PRTFDC1: variants seen among roughly 807,000 people sequenced by gnomAD.
PRTFDC1 encodes phosphoribosyl transferase domain containing 1.
A neutral mutation model predicts 34.6 loss-of-function variants in PRTFDC1; 38 were observed. The ratio of observed to expected loss-of-function variants is 1.10; its 90% confidence interval spans 0.85 to 1.44. The LOEUF (loss-of-function observed/expected upper bound fraction) is 1.44, where lower values mean the gene tolerates loss of function less well. Among genes scored for constraint, PRTFDC1 ranks in the 40% most tolerant of loss-of-function variants. PRTFDC1 has a pLI of 0.00. For synonymous variants in PRTFDC1, 93 were observed against 98.1 expected, an observed-to-expected ratio of 0.95 and a Z score of 0.31; for missense variants, 270 against 283.0, an observed-to-expected ratio of 0.95 and a Z score of 0.33.
intron 3 of PRTFDC1, chr10:24,908,428 G>A: frequency 1.3e-6 from 2 of 1,529,380 alleles, no homozygotes; most frequent in Non-Finnish European, 1.8e-6. Context: ...GAAGACTGTG[G>A]GCACAGCCAG....
chr10:24,946,560 C>T (rs190213203), intron 1 of PRTFDC1, among the ~76,000 whole-genome samples: 2 of 152,248 alleles, frequency 1.3e-5, no homozygotes, highest in East Asian at 3.9e-4. Flanking sequence ...TCTCACACAC[C>T]TGGGACAAGC....
chr10:24,867,419 T>C (rs543155618), intron 4 of PRTFDC1, among the ~76,000 whole-genome samples: 2 of 152,306 alleles, frequency 1.3e-5, no homozygotes, highest in East Asian at 3.9e-4. Flanking sequence ...CAGTTTCATT[T>C]TCCTAAAACA....
intron 3 of PRTFDC1, among the ~76,000 whole-genome samples, chr10:24,898,286 C>CAAAAAAAAAAAAA (rs34691185): frequency 1.3e-5 from 1 of 75,198 alleles, no homozygotes. Context: ...CCCGTCTCTA[C>CAAAAAAAAAAAAA]AAAAAAAAAA....
intron 3 of PRTFDC1, among the ~76,000 whole-genome samples, chr10:24,873,445 C>T (rs1237283394): frequency 6.6e-6 from 1 of 152,182 alleles, no homozygotes; most frequent in East Asian, 1.9e-4. Flanking sequence ...TAACAATAAC[C>T]TTGGGGAGAA....
At chr10:24,893,349 C>T (rs1000847446) in intron 3 of PRTFDC1, among the ~76,000 whole-genome samples, 23 of 152,200 alleles carry the variant, frequency 1.5e-4, no homozygotes, top group East Asian at 5.8e-4. Context: ...AGTGCAGTGA[C>T]GCAATCATAG....
intron 3 of PRTFDC1, chr10:24,908,891 T>G (rs1021946554): frequency 1.4e-6 from 1 of 703,056 alleles, no homozygotes; most frequent in African/African-American, 1.8e-5. Context: ...GAATGCAGGA[T>G]GGAGGTCAGT....
Position 24,872,063 on chromosome 10 carries a change from T to C in PRTFDC1, c.340A>G (p.Asn114Asp). The C allele has an allele frequency of 1.2e-6, 2 of 1,606,882 alleles. No individual in the cohort carries two copies. Among genetic ancestry groups the C allele is most frequent in the Non-Finnish European group, 1.7e-6 (2 of 1,175,152 alleles). The change falls in exon 4 of 9, where the codon AAT (asparagine) becomes GAT (aspartate). Residue 114 changes from asparagine (N) to aspartate (D), a missense_variant and splice_region_variant. Physicochemically the swap from Asn to Asp is conservative, Grantham distance 23 (BLOSUM62 1). Coordinates refer to ENST00000320152, the MANE Select transcript of PRTFDC1 (RefSeq NM_020200.7). ...VDFIRLKSYR[N>D]DQSMGEMQII... Reference sequence around the variant, plus strand: ...TGCATCTCACCCATGGACTGGTCATTCTGCAAAAAAGAAGAAAAAAAAGGG... The same window carrying C: ...TGCATCTCACCCATGGACTGGTCATCCTGCAAAAAAGAAGAAAAAAAAGGG...
intron 3 of PRTFDC1, among the ~76,000 whole-genome samples, chr10:24,883,815 G>C (rs1017971621): frequency 1.6e-5 from 2 of 126,080 alleles, no homozygotes; most frequent in Non-Finnish European, 3.2e-5. Context: ...TTTCTTAAGA[G>C]ACCTTTTTTT....
rs115775149 is a variant in PRTFDC1 at position 24,908,406 on chromosome 10, C to T, written c.339+28778G>A. 983 of 1,458,940 alleles carry T rather than the reference C, an allele frequency of 6.7e-4. 7 individuals are homozygous for T. In the African/African-American group the frequency reaches 0.012, roughly 17 times the overall value. The allele number at this position is 1,458,940 out of a possible 1,614,324, so 90.4% of individuals were successfully genotyped here. ...TACATCATCCAGCAGACACAGTGTC[C>T]AGTTTCTTCATGAAGACTGTGGGCA... On this transcript the variant is annotated intron_variant, in intron 3 of 8. Transcript: ENST00000320152.
At chr10:24,951,594 T>A in intron 1 of PRTFDC1, 4 of 985,448 alleles carry the variant, frequency 4.1e-6, no homozygotes, top group Non-Finnish European at 3.6e-6. Flanking sequence ...TATCTGTGAA[T>A]GACAAGCTGA....
At chr10:24,918,665 T>C (rs1473993955) in intron 3 of PRTFDC1, among the ~76,000 whole-genome samples, 1 of 152,098 alleles carries the variant, frequency 6.6e-6, no homozygotes, top group Non-Finnish European at 1.5e-5. Context: ...TCCTCCCCAC[T>C]CAGCCTCCCA....
At chr10:24,894,825 T>C (rs1447434168) in intron 3 of PRTFDC1, among the ~76,000 whole-genome samples, 3 of 152,206 alleles carry the variant, frequency 2.0e-5, no homozygotes, top group African/African-American at 7.2e-5. Flanking sequence ...GGATTGTGTA[T>C]GCCTTGGGCA....
intron 3 of PRTFDC1, among the ~76,000 whole-genome samples, chr10:24,883,294 A>G (rs970624543): frequency 5.9e-5 from 9 of 152,080 alleles, no homozygotes; most frequent in African/African-American, 2.2e-4. Flanking sequence ...ATGATTAATC[A>G]CTGTATTGTG....
intron 3 of PRTFDC1, among the ~76,000 whole-genome samples, chr10:24,886,822 G>A (rs1420593648): frequency 6.6e-6 from 1 of 152,096 alleles, no homozygotes; most frequent in East Asian, 1.9e-4. Flanking sequence ...TGGGGGTGCT[G>A]CAGGTCCACA....
intron 3 of PRTFDC1, among the ~76,000 whole-genome samples, chr10:24,875,151 C>A (rs1028326959): frequency 1.3e-5 from 2 of 152,104 alleles, no homozygotes; most frequent in Non-Finnish European, 2.9e-5. Flanking sequence ...TGGACTAATA[C>A]AATATTTATG....
chr10:24,922,451 G>A (rs1848805583), intron 3 of PRTFDC1, among the ~76,000 whole-genome samples: 1 of 152,224 alleles, frequency 6.6e-6, no homozygotes, highest in African/African-American at 2.4e-5. Flanking sequence ...GACCCTGTGG[G>A]AAGTAATTGA....
chr10:24,888,734 G>T (rs1007212586), intron 3 of PRTFDC1, among the ~76,000 whole-genome samples: 2 of 152,130 alleles, frequency 1.3e-5, no homozygotes, highest in African/African-American at 2.4e-5. Context: ...GAAAGAAAAG[G>T]TATCAATGTA....
At chr10:24,903,401 G>A (rs1288805026) in intron 3 of PRTFDC1, among the ~76,000 whole-genome samples, 1 of 152,124 alleles carries the variant, frequency 6.6e-6, no homozygotes, top group Non-Finnish European at 1.5e-5. Context: ...TCGCTTGGTG[G>A]AAAATTCATT....
intron 3 of PRTFDC1, among the ~76,000 whole-genome samples, chr10:24,872,326 C>T (rs1221583904): frequency 6.6e-6 from 1 of 152,064 alleles, no homozygotes; most frequent in Admixed American, 6.6e-5. Context: ...ACAAATCTAA[C>T]ATGAAACAAA....
Sources: gnomAD v4.1 joint callset for allele counts (sites outside exome capture counted in the v4.1 genomes callset) on GRCh38, gnomAD v4.1.1 for gene constraint, MANE v1.5 for transcripts, NCBI Gene and HGNC (gene_info 2026-07-23, HGNC 2026-07-21) for gene names.